Variants in LRRN2 observed in about 807,000 individuals in gnomAD.
LRRN2 encodes leucine-rich repeat neuronal protein 2.
Under a neutral mutation model 35.7 loss-of-function variants are expected in LRRN2, and 10 were observed. That is an observed-to-expected ratio of 0.28 (90% CI 0.17 to 0.47). LRRN2 has a LOEUF of 0.47. Among genes scored for constraint, LRRN2 ranks in the 20% least tolerant of loss-of-function variants. The pLI, the probability that LRRN2 is intolerant of heterozygous loss-of-function variation, is 0.99. For synonymous variants in LRRN2, 391 were observed against 409.6 expected (o/e 0.95, Z 0.55); for missense variants, 731 against 940.3 (o/e 0.78, Z 2.91).
At position 204,617,354 on chromosome 1, in the gene LRRN2, G is replaced by A. The variant is rs1482293346; in HGVS notation, c.*497C>T. ...AGGCTGCTGAGATGAGGCGTTCCTG[G>A]GCATCCCTCTCCCAAATGTCCTTCA... On this transcript the variant is annotated 3_prime_UTR_variant, in exon 2 of 2. Transcript: ENST00000367177. The A allele has an allele frequency of 1.3e-5, 2 of 154,454 alleles. No homozygotes were observed. The highest frequency in any genetic ancestry group is 4.8e-5 in the African/African-American group (2 of 41,436). 9.6% of individuals were successfully genotyped at this position (154,454 alleles called of 1,614,324 possible).
chr1:204,665,418 G>T (rs1424593551), intron 1 of LRRN2, among the ~76,000 whole-genome samples: 1 of 152,110 alleles, frequency 6.6e-6, no homozygotes, highest in Non-Finnish European at 1.5e-5. Context: ...GGGGTTACAG[G>T]TATGAGCACC....
intron 1 of LRRN2, among the ~76,000 whole-genome samples, chr1:204,654,315 A>G (rs186520013): frequency 2.6e-4 from 39 of 152,338 alleles, no homozygotes; most frequent in African/African-American, 9.4e-4. Context: ...AAAGCTGTTC[A>G]CTGAAGATTT....
chr1:204,639,259 AC>A (rs1667928193), intron 1 of LRRN2, among the ~76,000 whole-genome samples: 1 of 152,260 alleles, frequency 6.6e-6, no homozygotes, highest in Admixed American at 6.5e-5. Context: ...GTACAGGATC[AC>A]AGAGATGAAT....
chr1:204,640,436 A>G (rs926704337), intron 1 of LRRN2, among the ~76,000 whole-genome samples: 2 of 152,212 alleles, frequency 1.3e-5, no homozygotes, highest in African/African-American at 4.8e-5. Context: ...AGGATGCGTT[A>G]TTATTATCAG....
chr1:204,619,521 G>A lies in LRRN2; in HGVS notation c.472C>T (p.Pro158Ser), dbSNP rs368629248. 1.9e-6 allele frequency: 3 copies of A among 1,614,134 alleles called. No homozygotes were observed. Among genetic ancestry groups the A allele is most frequent in the African/African-American group, 2.7e-5 (2 of 74,950 alleles). Residue 158 changes from proline to serine, a missense_variant, in exon 2 of 2, where the codon CCC (proline) becomes TCC (serine). Around this residue, in one of 3 missense-constraint regions of LRRN2, gnomAD observed 246 missense variants for 289.5 expected, o/e 0.85. Coordinates refer to ENST00000367177, the MANE Select transcript of LRRN2 (RefSeq NM_201630.2). ...LNHNQLYRIAPRAFSGLSNLL... is the reference protein window; with the variant it reads ...LNHNQLYRIASRAFSGLSNLL... ...TTGCTGAGGCCAGAAAAGGCCCTGGGGGCGATGCGGTAGAGCTGGTTGTGG... is the reference window on the plus strand; with the variant it reads ...TTGCTGAGGCCAGAAAAGGCCCTGGAGGCGATGCGGTAGAGCTGGTTGTGG...
At chr1:204,632,920 C>A (rs1316586990) in intron 1 of LRRN2, among the ~76,000 whole-genome samples, 2 of 149,064 alleles carry the variant, frequency 1.3e-5, no homozygotes, top group East Asian at 3.9e-4. Flanking sequence ...GGCGACAGAG[C>A]GAGACTCTGT....
chr1:204,629,020 C>A (rs539688609), intron 1 of LRRN2: 1 of 152,496 alleles, frequency 6.6e-6, no homozygotes, highest in East Asian at 1.9e-4. Context: ...AGCTTCTCCA[C>A]CTCTCTGCGT....
At chr1:204,631,521 G>A (rs1292498846) in intron 1 of LRRN2, among the ~76,000 whole-genome samples, 1 of 151,056 alleles carries the variant, frequency 6.6e-6, no homozygotes, top group East Asian at 2.0e-4. Context: ...GTGTACCAGA[G>A]GATGATAAAA....
At chr1:204,650,641 C>T (rs1414668678) in intron 1 of LRRN2, among the ~76,000 whole-genome samples, 2 of 152,174 alleles carry the variant, frequency 1.3e-5, no homozygotes, top group African/African-American at 2.4e-5. Context: ...AGGAAGCCTC[C>T]TTGGACCTGC....
chr1:204,672,978 C>T (rs1222688252), intron 1 of LRRN2, among the ~76,000 whole-genome samples: 1 of 152,170 alleles, frequency 6.6e-6, no homozygotes, highest in South Asian at 2.1e-4. Flanking sequence ...TCTCTTAGGG[C>T]CAGCCACTTC....
chr1:204,684,951 C>G (rs1217687926), intron 1 of LRRN2, among the ~76,000 whole-genome samples: 1 of 152,224 alleles, frequency 6.6e-6, no homozygotes, highest in African/African-American at 2.4e-5. Flanking sequence ...CTCCACATCT[C>G]CAGGGCCCCA....
In LRRN2 at chr1:204,618,430, T is replaced by G; in HGVS notation, c.1563A>C (p.Pro521=). The change falls in exon 2 of 2, where the codon CCA becomes CCC. Residue 521 remains proline (P), a synonymous_variant. Transcript: ENST00000367177. ...CCAGCCCCTGTCCTTCGTCCCTGCCTGGCTGGAGGAGAGCACGGCCCACAA... is the reference window on the plus strand; with the variant it reads ...CCAGCCCCTGTCCTTCGTCCCTGCCGGGCTGGAGGAGAGCACGGCCCACAA... ...SVVVGRALLQ[P]GRDEGQGLEL... 6.2e-7 allele frequency: 1 copy of G among 1,614,132 alleles called. No homozygotes were observed. The highest frequency in any genetic ancestry group is 8.5e-7 in the Non-Finnish European group (1 of 1,179,974).
intron 1 of LRRN2, among the ~76,000 whole-genome samples, chr1:204,676,345 G>C (rs1355655609): frequency 6.9e-6 from 1 of 144,814 alleles, no homozygotes; most frequent in Non-Finnish European, 1.5e-5. Context: ...GCTAAGCTCA[G>C]AAAACATAGG....
intron 1 of LRRN2, among the ~76,000 whole-genome samples, chr1:204,626,267 C>T (rs1470443485): frequency 6.6e-6 from 1 of 152,106 alleles, no homozygotes; most frequent in East Asian, 1.9e-4. Flanking sequence ...TCTGCCCTCT[C>T]CCACCTCACA....
intron 1 of LRRN2, among the ~76,000 whole-genome samples, chr1:204,659,645 A>T (rs1039694173): frequency 1.3e-5 from 2 of 151,816 alleles, no homozygotes; most frequent in South Asian, 4.2e-4. Context: ...TGTGTGATGG[A>T]TAGTTCAAAA....
intron 1 of LRRN2, chr1:204,663,822 T>C (rs1668517843): frequency 6.6e-6 from 1 of 152,088 alleles, no homozygotes; most frequent in African/African-American, 2.4e-5. Flanking sequence ...ATCTTCCCAG[T>C]CTGACCCTCT....
At chr1:204,642,086 G>A (rs1393984499) in intron 1 of LRRN2, among the ~76,000 whole-genome samples, 1 of 152,242 alleles carries the variant, frequency 6.6e-6, no homozygotes, top group Admixed American at 6.5e-5. Flanking sequence ...CAGATTTGGA[G>A]GCTGTATTAG....
At chr1:204,631,436 G>C (rs1365525130) in intron 1 of LRRN2, among the ~76,000 whole-genome samples, 1 of 150,152 alleles carries the variant, frequency 6.7e-6, no homozygotes, top group Non-Finnish European at 1.5e-5. Flanking sequence ...GGCACTGTAA[G>C]TATGTGAGGG....
chr1:204,625,185 C>G (rs1055623985), intron 1 of LRRN2, among the ~76,000 whole-genome samples: 1 of 152,182 alleles, frequency 6.6e-6, no homozygotes, highest in Non-Finnish European at 1.5e-5. Context: ...GCTGTGTGAC[C>G]TTGGGCAAAG....
Sources: gnomAD v4.1 joint callset for allele counts (sites outside exome capture counted in the v4.1 genomes callset) on GRCh38, gnomAD v4.1.1 for gene constraint, gnomAD v4.1.1 regional missense constraint, MANE v1.5 for transcripts, NCBI Gene and HGNC (gene_info 2026-07-23, HGNC 2026-07-21) for gene names.